The following DISC1 variants were observed in gnomAD, a reference collection of about 807,000 sequenced individuals.
DISC1 encodes DISC1 scaffold protein, also known as disrupted in schizophrenia 1 protein.
A neutral mutation model predicts 84.5 loss-of-function variants in DISC1; 57 were observed. That is an observed-to-expected ratio of 0.67 (90% CI 0.55 to 0.84). The LOEUF is 0.84. DISC1 is among the 40% of genes least tolerant of loss of function. The pLI is 0.00. For missense variants in DISC1, 1,000 were observed against 1,057.8 expected, an observed-to-expected ratio of 0.95 and a Z score of 0.76; for synonymous variants, 411 against 415.2, an observed-to-expected ratio of 0.99 and a Z score of 0.12.
At chr1:231,684,233 C>T (rs2063990990) in intron 1 of DISC1, among the ~76,000 whole-genome samples, 1 of 152,056 alleles carries the variant, frequency 6.6e-6, no homozygotes, top group Non-Finnish European at 1.5e-5. Context: ...CCCTGAACTC[C>T]TGGGCTCAAG....
chr1:231,939,204 A>C (rs1051911248), intron 9 of DISC1, among the ~76,000 whole-genome samples: 5 of 152,226 alleles, frequency 3.3e-5, no homozygotes, highest in African/African-American at 1.2e-4. Context: ...AGTGGTTTCC[A>C]AGTGTCAGGA....
chr1:232,005,042 A>ATCCT (rs1209799313), intron 10 of DISC1, among the ~76,000 whole-genome samples: 4 of 51,416 alleles, frequency 7.8e-5, no homozygotes, highest in African/African-American at 3.2e-4. Flanking sequence ...CCCTCCCTCC[A>ATCCT]TCCTTCCTTC....
chr1:231,969,012 T>C (rs201562208), intron 10 of DISC1, among the ~76,000 whole-genome samples: 20 of 152,110 alleles, frequency 1.3e-4, no homozygotes, highest in Non-Finnish European at 2.6e-4. Flanking sequence ...TATGGCACCA[T>C]GGAAATTATG....
At chr1:231,714,943 A>G (rs1170647654) in intron 3 of DISC1, among the ~76,000 whole-genome samples, 1 of 152,228 alleles carries the variant, frequency 6.6e-6, no homozygotes, top group Admixed American at 6.5e-5. Context: ...TGATGGAAGA[A>G]TGTCAAAGAA....
intron 9 of DISC1, among the ~76,000 whole-genome samples, chr1:231,867,503 G>C (rs757844171): frequency 6.6e-6 from 1 of 152,162 alleles, no homozygotes; most frequent in Non-Finnish European, 1.5e-5. Flanking sequence ...GAGAGCGCCT[G>C]TTCCAGCCAT....
rs751554416 is a variant in DISC1 at position 232,036,770 on chromosome 1, C to A, written c.2504C>A (p.Ala835Glu). The A allele has an allele frequency of 6.3e-7, 1 of 1,591,002 alleles. No homozygotes were observed. The highest frequency in any genetic ancestry group is 8.6e-7 in the Non-Finnish European group (1 of 1,166,428). Residue 835 changes from alanine to glutamate, a missense_variant, in exon 13 of 13, where the codon GCG (alanine) becomes GAG (glutamate). Coordinates refer to ENST00000439617, the MANE Select transcript of DISC1 (RefSeq NM_018662.3). ...MILQLQPAKEAGEREAAASCM... is the reference protein window; with the variant it reads ...MILQLQPAKEEGEREAAASCM... ...CTGCAGCTCCAGCCAGCAAAGGAGGCGGGAGAAAGAGAAGCTGCAGCTTCC... is the reference window on the plus strand; with the variant it reads ...CTGCAGCTCCAGCCAGCAAAGGAGGAGGGAGAAAGAGAAGCTGCAGCTTCC...
chr1:232,008,013 G>A (rs142897600), intron 10 of DISC1, among the ~76,000 whole-genome samples: 292 of 152,242 alleles, frequency 1.9e-3, no homozygotes, highest in Middle Eastern at 0.017. Flanking sequence ...AAGGTGCCTT[G>A]CTTCCCCTTC....
intron 9 of DISC1, among the ~76,000 whole-genome samples, chr1:231,908,442 C>G (rs1482512368): frequency 1.3e-5 from 2 of 152,118 alleles, no homozygotes; most frequent in Non-Finnish European, 2.9e-5. Flanking sequence ...AATCGTTTCC[C>G]CATTTCTTGT....
Position 231,826,689 on chromosome 1 carries a change from A to G in DISC1, c.1981+8172A>G, listed in dbSNP as rs74530262. ...AGTTGAACTATAGCAATTTAATTGG[A>G]TACATATTCATTGACTTCAAACCAG... On this transcript the variant is annotated intron_variant, in intron 9 of 12. Transcript: ENST00000439617. The surrounding 1 kb of genome is among the most constrained non-coding windows in gnomAD (Gnocchi z 4.2). Among the ~76,000 whole-genome samples the G allele has an allele frequency of 0.011, 1,696 of 152,322 alleles. 34 individuals carry two copies. The highest frequency in any genetic ancestry group is 0.039 in the African/African-American group (1,626 of 41,560).
At chr1:231,980,401 A>C (rs530117212) in intron 10 of DISC1, among the ~76,000 whole-genome samples, 1 of 152,186 alleles carries the variant, frequency 6.6e-6, no homozygotes, top group Non-Finnish European at 1.5e-5. Flanking sequence ...TAGATTTTTC[A>C]GGGGTGTGTT....
intron 9 of DISC1, among the ~76,000 whole-genome samples, chr1:231,937,729 G>A (rs1297265805): frequency 1.3e-5 from 2 of 152,200 alleles, no homozygotes; most frequent in African/African-American, 4.8e-5. Flanking sequence ...GGGACTGAAG[G>A]GGACCCGGCT....
At chr1:231,893,171 AAAAC>A (rs2087390193) in intron 9 of DISC1, among the ~76,000 whole-genome samples, 1 of 152,152 alleles carries the variant, frequency 6.6e-6, no homozygotes, top group Non-Finnish European at 1.5e-5. Flanking sequence ...CTCAAAAACA[AAAAC>A]AAAAAACAAT....
intron 9 of DISC1, among the ~76,000 whole-genome samples, chr1:231,920,929 T>C (rs2089959456): frequency 7.3e-6 from 1 of 137,624 alleles, no homozygotes; most frequent in South Asian, 2.4e-4. Flanking sequence ...TTTTTTGAGA[T>C]GGAGTCTTAC....
At chr1:231,773,743 G>A (rs1314885318) in intron 6 of DISC1, among the ~76,000 whole-genome samples, 6 of 152,182 alleles carry the variant, frequency 3.9e-5, no homozygotes. Context: ...TTATGATGCT[G>A]TTAGGGAAAT....
chr1:231,787,704 A>T (rs1312013542), intron 6 of DISC1, among the ~76,000 whole-genome samples: 6 of 152,232 alleles, frequency 3.9e-5, no homozygotes, highest in Non-Finnish European at 8.8e-5. Flanking sequence ...TGCTCTAAGC[A>T]CAATCACTCT....
At chr1:231,682,124 A>T (rs181043399) in intron 1 of DISC1, among the ~76,000 whole-genome samples, 1 of 152,284 alleles carries the variant, frequency 6.6e-6, no homozygotes, top group East Asian at 1.9e-4. Context: ...AGGAGGATAT[A>T]GGTTGTGATT....
At chr1:231,877,314 C>T (rs150030686) in intron 9 of DISC1, among the ~76,000 whole-genome samples, 217 of 152,236 alleles carry the variant, frequency 1.4e-3, no homozygotes, top group Non-Finnish European at 2.3e-3. Context: ...AGCACTGTTA[C>T]GGTTTTGAGC....
At chr1:231,735,868 A>G (rs773519350) in intron 3 of DISC1, among the ~76,000 whole-genome samples, 21 of 152,126 alleles carry the variant, frequency 1.4e-4, no homozygotes, top group Non-Finnish European at 2.8e-4. Context: ...GCTGGAGTGC[A>G]GTGATGTGAT....
chr1:231,786,755 G>T (rs1169343253), intron 6 of DISC1, among the ~76,000 whole-genome samples: 2 of 151,986 alleles, frequency 1.3e-5, no homozygotes, highest in Non-Finnish European at 2.9e-5. Context: ...TAGCCTGTAT[G>T]CCCAGGTAAT....
Sources: gnomAD v4.1 joint callset for allele counts (sites outside exome capture counted in the v4.1 genomes callset) on GRCh38, gnomAD v4.1.1 for gene constraint, Gnocchi (gnomAD v3.1) non-coding constraint, MANE v1.5 for transcripts, NCBI Gene and HGNC (gene_info 2026-07-23, HGNC 2026-07-21) for gene names.